The following SEMA6A variants were observed in gnomAD, a reference collection of about 807,000 sequenced individuals.
The protein encoded by SEMA6A is semaphorin-6A.
SEMA6A carries 25 observed loss-of-function variants against 96.8 expected under a neutral mutation model. That is an observed-to-expected ratio of 0.26 (90% CI 0.19 to 0.36). The LOEUF is 0.36. Among genes scored for constraint, SEMA6A ranks in the 10% least tolerant of loss-of-function variants. The probability of loss-of-function intolerance (pLI) is 1.00; values close to 1 mark genes in which losing one functional copy is unlikely to be tolerated. For missense variants in SEMA6A, 1,363 were observed against 1,323.1 expected (o/e 1.03, Z -0.47); for synonymous variants, 612 against 518.0 (o/e 1.18, Z -2.46).
intron 1 of SEMA6A, among the ~76,000 whole-genome samples, chr5:116,507,103 C>G (rs1380405627): frequency 2.6e-5 from 4 of 152,160 alleles, no homozygotes; most frequent in Admixed American, 1.3e-4. Flanking sequence ...TCTGGCTATC[C>G]CTGCAGCCAG....
chr5:116,568,521 G>C (rs1453464789), intron 1 of SEMA6A, among the ~76,000 whole-genome samples: 2 of 152,174 alleles, frequency 1.3e-5, no homozygotes, highest in Admixed American at 6.5e-5. Context: ...AAAAAAACAT[G>C]AACGTTCTAT....
intron 18 of SEMA6A, among the ~76,000 whole-genome samples, chr5:116,454,813 TGTGTGTGTGC>T (rs1754903217): frequency 6.7e-6 from 1 of 148,248 alleles, no homozygotes; most frequent in African/African-American, 2.5e-5. Flanking sequence ...TGTGTGTGCA[TGTGTGTGTGC>T]GCGTGTGTGT....
intron 1 of SEMA6A, among the ~76,000 whole-genome samples, chr5:116,514,208 A>C (rs944488208): frequency 6.6e-6 from 1 of 152,202 alleles, no homozygotes; most frequent in Admixed American, 6.5e-5. Flanking sequence ...CAATCACTAC[A>C]CTGTCTTCCA....
At chr5:116,510,838 G>T (rs1580455879) in intron 1 of SEMA6A, among the ~76,000 whole-genome samples, 2 of 152,042 alleles carry the variant, frequency 1.3e-5, no homozygotes, top group South Asian at 4.2e-4. Flanking sequence ...GTAAATCATG[G>T]CACTCACACT....
At chr5:116,562,614 C>G in intron 1 of SEMA6A, 1 of 695,526 alleles carries the variant, frequency 1.4e-6, no homozygotes, top group Non-Finnish European at 2.7e-6. Context: ...AGCCTCTGAC[C>G]TCAGGTGGCT....
intron 1 of SEMA6A, among the ~76,000 whole-genome samples, chr5:116,510,549 A>G (rs913282365): frequency 6.6e-6 from 1 of 152,108 alleles, no homozygotes; most frequent in Non-Finnish European, 1.5e-5. Flanking sequence ...GAGACTCTCC[A>G]TAGTCCTCAA....
chr5:116,517,358 AGTGATG>A (rs1758719532), intron 1 of SEMA6A, among the ~76,000 whole-genome samples: 1 of 152,166 alleles, frequency 6.6e-6, no homozygotes, highest in South Asian at 2.1e-4. Context: ...CAGGATATAA[AGTGATG>A]GAGAAAGGAA....
At chr5:116,541,415 A>G (rs1481187270) in intron 1 of SEMA6A, among the ~76,000 whole-genome samples, 2 of 152,244 alleles carry the variant, frequency 1.3e-5, no homozygotes, top group African/African-American at 2.4e-5. Context: ...GCAACCACAT[A>G]CTAACATGAC....
At chr5:116,487,021 C>G (rs996569543) in intron 9 of SEMA6A, 55 bp from the exon 10 acceptor site, 3 of 1,297,882 alleles carry the variant, frequency 2.3e-6, no homozygotes, top group African/African-American at 2.9e-5. Context: ...GCAAGGAGAT[C>G]TTAGTAGAAT....
At chr5:116,520,833 G>GGATCCTC (rs1312022535) in intron 1 of SEMA6A, among the ~76,000 whole-genome samples, 4 of 152,146 alleles carry the variant, frequency 2.6e-5, no homozygotes, top group Non-Finnish European at 4.4e-5. Flanking sequence ...TATGGTTCTT[G>GGATCCTC]GATCCTCTGA....
intron 11 of SEMA6A, among the ~76,000 whole-genome samples, chr5:116,480,993 T>A (rs1756732288): frequency 1.3e-5 from 2 of 152,118 alleles, no homozygotes; most frequent in Non-Finnish European, 2.9e-5. Flanking sequence ...AAACCCATCT[T>A]GTCCAGACAC....
intron 10 of SEMA6A, among the ~76,000 whole-genome samples, chr5:116,483,893 G>A (rs897786279): frequency 3.9e-5 from 6 of 151,932 alleles, no homozygotes; most frequent in East Asian, 3.9e-4. Context: ...GTGAAACCCC[G>A]TCTCTACTAA....
chr5:116,472,586 T>C (rs1756213575), intron 17 of SEMA6A: 1 of 312,242 alleles, frequency 3.2e-6, no homozygotes, highest in African/African-American at 2.2e-5. Flanking sequence ...GATATACTTA[T>C]GTTCAAAAGC....
At chr5:116,533,648 C>A (rs1321619096) in intron 1 of SEMA6A, among the ~76,000 whole-genome samples, 1 of 152,164 alleles carries the variant, frequency 6.6e-6, no homozygotes, top group Non-Finnish European at 1.5e-5. Flanking sequence ...CTGCTAACTG[C>A]TTATCACTCC....
intron 18 of SEMA6A, among the ~76,000 whole-genome samples, chr5:116,451,969 A>G (rs1754667373): frequency 1.2e-5 from 1 of 85,880 alleles, no homozygotes; most frequent in Non-Finnish European, 2.5e-5. Flanking sequence ...AATAATTAGA[A>G]AAAAAAAAAA....
intron 1 of SEMA6A, among the ~76,000 whole-genome samples, chr5:116,538,245 G>C (rs1246494950): frequency 6.6e-6 from 1 of 152,118 alleles, no homozygotes; most frequent in East Asian, 1.9e-4. Flanking sequence ...CTTTACACAT[G>C]AATATTATGC....
intron 1 of SEMA6A, among the ~76,000 whole-genome samples, chr5:116,542,844 T>C (rs867369788): frequency 6.6e-6 from 1 of 152,182 alleles, no homozygotes; most frequent in Non-Finnish European, 1.5e-5. Flanking sequence ...TTCTGTTTGC[T>C]TCACTTCCCC....
intron 1 of SEMA6A, among the ~76,000 whole-genome samples, chr5:116,511,776 A>G (rs2112792849): frequency 6.6e-6 from 1 of 152,354 alleles, no homozygotes; most frequent in Non-Finnish European, 1.5e-5. Flanking sequence ...TGATTCTCTC[A>G]TGAACACCAC....
At chr5:116,459,682 C>T (rs554517477) in intron 18 of SEMA6A, among the ~76,000 whole-genome samples, 23 of 152,148 alleles carry the variant, frequency 1.5e-4, no homozygotes, top group African/African-American at 5.3e-4. Context: ...TTCCTGTGTC[C>T]CCCACTTGGA....
Sources: allele counts gnomAD v4.1 joint callset (sites outside exome capture counted in the v4.1 genomes callset), GRCh38; gene constraint gnomAD v4.1.1; transcripts MANE v1.5; gene names NCBI Gene and HGNC (gene_info 2026-07-23, HGNC 2026-07-21).